The following EEFSEC variants were observed in gnomAD, a reference collection of about 807,000 sequenced individuals.
EEFSEC encodes the protein eukaryotic elongation factor, selenocysteine-tRNA specific.
EEFSEC carries 43 observed loss-of-function variants against 42.1 expected under a neutral mutation model. The observed-to-expected ratio is 1.02, with a 90% CI of 0.80 to 1.32. The LOEUF (loss-of-function observed/expected upper bound fraction) is 1.32, where lower values mean the gene tolerates loss of function less well. Among genes scored for constraint, EEFSEC ranks in the 40% most tolerant of loss-of-function variants. EEFSEC has a pLI of 0.00. For synonymous variants in EEFSEC, 354 were observed against 339.1 expected, an observed-to-expected ratio of 1.04 and a Z score of -0.48; for missense variants, 745 against 803.6, an observed-to-expected ratio of 0.93 and a Z score of 0.88.
chr3:128,209,106 T>C (rs1333686203), intron 1 of EEFSEC, among the ~76,000 whole-genome samples: 1 of 152,230 alleles, frequency 6.6e-6, no homozygotes, highest in Non-Finnish European at 1.5e-5. Context: ...GAACATGTGT[T>C]CCATGGCATG....
rs530813952 is a variant in EEFSEC at position 128,341,803 on chromosome 3, G to A, written c.1357G>A (p.Gly453Arg). The change falls in exon 5 of 7, where the codon GGG becomes AGG. Residue 453 changes from glycine (G) to arginine (R), a missense_variant. By Grantham distance (125) the Gly-to-Arg change is moderately radical. Transcript: ENST00000254730. ...RLAFHGILLH[G>R]LEDRNYADSF... The stretch of plus-strand genomic sequence containing the variant: ...AGCCTTCCATGGCATCCTGCTCCAC[G>A]GGCTAGAGGACAGGAACTACGCCGA... 39 of 1,614,084 alleles carry A rather than the reference G, an allele frequency of 2.4e-5. 1 individual carries two copies. Among genetic ancestry groups the A allele is most frequent in the Middle Eastern group, 3.3e-4 (2 of 6,062 alleles).
chr3:128,324,048 A>G (rs1019383007), intron 4 of EEFSEC, among the ~76,000 whole-genome samples: 1 of 152,154 alleles, frequency 6.6e-6, no homozygotes, highest in Non-Finnish European at 1.5e-5. Context: ...AGCCATGGAC[A>G]CGGACCTCTC....
chr3:128,225,147 G>A (rs2065896226), intron 1 of EEFSEC, among the ~76,000 whole-genome samples: 1 of 152,268 alleles, frequency 6.6e-6, no homozygotes, highest in South Asian at 2.1e-4. Context: ...CTGGAAGACA[G>A]GGCTGGATGC....
intron 6 of EEFSEC, among the ~76,000 whole-genome samples, chr3:128,399,099 TAAATAAAATA>T (rs200688144): frequency 3.3e-5 from 4 of 120,744 alleles, no homozygotes; most frequent in African/African-American, 1.8e-4. Flanking sequence ...AATAAATAAA[TAAATAAAATA>T]AAAAAAAACC....
intron 6 of EEFSEC, among the ~76,000 whole-genome samples, chr3:128,400,371 C>G (rs537835294): frequency 6.6e-6 from 1 of 152,350 alleles, no homozygotes; most frequent in East Asian, 1.9e-4. Context: ...GGCCCAGTAT[C>G]CAGTTCAGAC....
chr3:128,259,060 G>T (rs2066271119), intron 2 of EEFSEC, among the ~76,000 whole-genome samples: 1 of 152,236 alleles, frequency 6.6e-6, no homozygotes. Flanking sequence ...GAAATAGGGG[G>T]AGGAAGAATA....
chr3:128,391,929 G>A (rs1349071792), intron 6 of EEFSEC, among the ~76,000 whole-genome samples: 1 of 152,212 alleles, frequency 6.6e-6, no homozygotes, highest in African/African-American at 2.4e-5. Flanking sequence ...CCCTGTGGGG[G>A]CCATTGGAGG....
chr3:128,387,732 C>T (rs2067859005), intron 6 of EEFSEC, among the ~76,000 whole-genome samples: 1 of 152,126 alleles, frequency 6.6e-6, no homozygotes, highest in South Asian at 2.1e-4. Context: ...CCTACAGGCT[C>T]CACTGGGGCT....
chr3:128,167,221 G>C (rs889828869), intron 1 of EEFSEC, among the ~76,000 whole-genome samples: 1 of 152,128 alleles, frequency 6.6e-6, no homozygotes, highest in Non-Finnish European at 1.5e-5. Flanking sequence ...ATTCCCCTAT[G>C]ATCTCATTTT....
intron 1 of EEFSEC, among the ~76,000 whole-genome samples, chr3:128,204,670 T>G (rs2065674523): frequency 6.6e-6 from 1 of 152,126 alleles, no homozygotes. Context: ...CAAAGCCAGG[T>G]TGCACAGTGC....
At position 128,328,809 on chromosome 3, in the gene EEFSEC, A is replaced by G. The variant is rs148285780; in HGVS notation, c.787-12424A>G. ...GTGCCTCGCCGTTTTACAGGGATTAACAATGTAGGTGGCATTCCTTTTTCT... is the reference window on the plus strand; with the variant it reads ...GTGCCTCGCCGTTTTACAGGGATTAGCAATGTAGGTGGCATTCCTTTTTCT... On this transcript the variant is annotated intron_variant, in intron 4 of 6. Transcript: ENST00000254730. Among the ~76,000 whole-genome samples, 604 of 152,278 alleles carry G rather than the reference A, an allele frequency of 4.0e-3. 7 individuals are homozygous for G. Among genetic ancestry groups the G allele is most frequent in the African/African-American group, 0.014 (562 of 41,566 alleles).
Position 128,264,711 on chromosome 3 carries a change from C to A in EEFSEC, c.716C>A (p.Thr239Asn). 6.2e-7 allele frequency: 1 copy of A among 1,614,202 alleles called. No individual in the cohort carries two copies. Among genetic ancestry groups the A allele is most frequent in the Non-Finnish European group, 8.5e-7 (1 of 1,180,024 alleles). ...DHCFSIKGQG[T>N]VMTGTILSGS... ...TGTTTCTCCATCAAAGGCCAAGGCA[C>A]TGTGATGACAGGGACCATCCTTTCA... is the stretch of plus-strand genomic sequence containing the variant. The change falls in exon 4 of 7, where the codon ACT becomes AAT. Residue 239 changes from threonine (T) to asparagine (N), a missense_variant. By Grantham distance (65) the Thr-to-Asn change is moderately conservative. Transcript: ENST00000254730.
chr3:128,242,016 A>G (rs939995210), intron 1 of EEFSEC, among the ~76,000 whole-genome samples: 1 of 152,252 alleles, frequency 6.6e-6, no homozygotes, highest in Admixed American at 6.5e-5. Flanking sequence ...AAAAGTCACC[A>G]GTCAAAAACA....
intron 2 of EEFSEC, among the ~76,000 whole-genome samples, chr3:128,256,722 C>T (rs2066245627): frequency 6.6e-6 from 1 of 152,174 alleles, no homozygotes; most frequent in Non-Finnish European, 1.5e-5. Flanking sequence ...GGTCTGAATA[C>T]AGTTAAGTAA....
intron 4 of EEFSEC, among the ~76,000 whole-genome samples, chr3:128,327,505 C>T (rs2067077984): frequency 6.6e-6 from 1 of 152,232 alleles, no homozygotes; most frequent in African/African-American, 2.4e-5. Context: ...ATGGCTTCCC[C>T]CACATCCCAA....
chr3:128,328,751 C>T (rs2067092712), intron 4 of EEFSEC, among the ~76,000 whole-genome samples: 1 of 152,206 alleles, frequency 6.6e-6, no homozygotes, highest in East Asian at 1.9e-4. Context: ...ATCCAGTGTC[C>T]ACTGAGGCCC....
At chr3:128,158,888 G>A (rs921818856) in intron 1 of EEFSEC, among the ~76,000 whole-genome samples, 1 of 152,230 alleles carries the variant, frequency 6.6e-6, no homozygotes, top group Non-Finnish European at 1.5e-5. Context: ...GTAATGCCCT[G>A]AAGAATTTGG....
chr3:128,355,794 G>A (rs140051369), intron 5 of EEFSEC, among the ~76,000 whole-genome samples: 51 of 152,360 alleles, frequency 3.3e-4, no homozygotes, highest in Admixed American at 2.2e-3. Context: ...CTTGTGCCTG[G>A]TTGGAAGCAA....
chr3:128,308,561 C>A (rs2066856675), intron 4 of EEFSEC, among the ~76,000 whole-genome samples: 1 of 152,228 alleles, frequency 6.6e-6, no homozygotes, highest in African/African-American at 2.4e-5. Context: ...GCCAGTCCCC[C>A]AAAACCTAAG....
Sources: allele counts gnomAD v4.1 joint callset (sites outside exome capture counted in the v4.1 genomes callset), GRCh38; gene constraint gnomAD v4.1.1; transcripts MANE v1.5; gene names NCBI Gene and HGNC (gene_info 2026-07-23, HGNC 2026-07-21).